ZSCAN25: variants seen among roughly 807,000 people sequenced by gnomAD.
The protein encoded by ZSCAN25 is zinc finger and SCAN domain containing 25, also known as zinc finger and SCAN domain-containing protein 25.
In ZSCAN25, 27 loss-of-function variants were observed where a neutral mutation model predicts 38.7. That is an observed-to-expected ratio of 0.70 (90% CI 0.51 to 0.96). The LOEUF is 0.96. Ranked by LOEUF, ZSCAN25 falls within the 40% of genes least tolerant of loss-of-function variation. ZSCAN25 has a pLI of 0.00. For synonymous variants in ZSCAN25, 273 were observed against 277.7 expected, an observed-to-expected ratio of 0.98 and a Z score of 0.17; for missense variants, 637 against 705.9, an observed-to-expected ratio of 0.90 and a Z score of 1.11.
the ZSCAN25 span, chr7:99,658,972 T>A: frequency 6.6e-6 from 1 of 152,220 alleles, no homozygotes; most frequent in African/African-American, 2.4e-5. Flanking sequence ...TTATTCTAGT[T>A]AGCCATTTGT....
the ZSCAN25 span, chr7:99,671,802 G>C: frequency 8.8e-5 from 62 of 702,856 alleles, 2 homozygotes; most frequent in South Asian, 8.7e-4. Context: ...TCCATGTTGT[G>C]ACTGTAGGAC....
the ZSCAN25 span, among the ~76,000 whole-genome samples, chr7:99,686,178 T>C: frequency 6.6e-6 from 1 of 152,166 alleles, no homozygotes; most frequent in East Asian, 1.9e-4. Flanking sequence ...GGGTGCAGCG[T>C]GCTGTGCACA....
At chr7:99,705,326 A>G in the ZSCAN25 span, 1 of 718,228 alleles carries the variant, frequency 1.4e-6, no homozygotes, top group South Asian at 1.7e-5. Flanking sequence ...CAAGTATAAC[A>G]CTCTATACAG....
At chr7:99,635,422 G>C (rs1196574806), downstream of ZSCAN25, among the ~76,000 whole-genome samples, 4 of 151,788 alleles carry the variant, frequency 2.6e-5, no homozygotes, top group Admixed American at 1.3e-4. Context: ...TTTTCTGCAG[G>C]CTATAATTAC....
At chr7:99,708,875 T>G in the ZSCAN25 span, among the ~76,000 whole-genome samples, 1 of 152,142 alleles carries the variant, frequency 6.6e-6, no homozygotes, top group African/African-American at 2.4e-5. Context: ...AGTCTGTGGT[T>G]TGTAAAGTGT....
the ZSCAN25 span, chr7:99,662,664 C>T: frequency 9.9e-6 from 7 of 706,546 alleles, no homozygotes; most frequent in South Asian, 1.3e-4. The surrounding 1 kb of genome is among the most constrained non-coding windows in gnomAD (Gnocchi z 4.3). Flanking sequence ...CTGGAAAGTG[C>T]CTCCAGCTAC....
the ZSCAN25 span, among the ~76,000 whole-genome samples, chr7:99,723,453 C>T: frequency 6.6e-6 from 1 of 152,154 alleles, no homozygotes; most frequent in Non-Finnish European, 1.5e-5. Context: ...TAAAACTGAC[C>T]CACCCCTATC....
the ZSCAN25 span, chr7:99,638,255 A>T: frequency 6.3e-7 from 1 of 1,582,518 alleles, no homozygotes; most frequent in South Asian, 1.1e-5. Context: ...ATTTGTAGTT[A>T]GAGGTTAACC....
chr7:99,712,914 C>T, the ZSCAN25 span, among the ~76,000 whole-genome samples: 1 of 152,130 alleles, frequency 6.6e-6, no homozygotes, highest in African/African-American at 2.4e-5. Context: ...TTTACACAGT[C>T]TCAGAGGTTT....
chr7:99,714,688 G>GAA, the ZSCAN25 span: 15 of 1,428,860 alleles, frequency 1.0e-5, no homozygotes, highest in Admixed American at 9.5e-5. Context: ...GACTTCTGTA[G>GAA]AAAAAAAAAA....
chr7:99,694,716 A>C, the ZSCAN25 span, among the ~76,000 whole-genome samples: 1 of 151,762 alleles, frequency 6.6e-6, no homozygotes, highest in Non-Finnish European at 1.5e-5. Flanking sequence ...AATTGGAATC[A>C]GGGAAACAAG....
the ZSCAN25 span, among the ~76,000 whole-genome samples, chr7:99,701,856 CAG>C: frequency 1.3e-5 from 2 of 152,280 alleles, no homozygotes; most frequent in South Asian, 4.1e-4. Context: ...AATCTGTTGT[CAG>C]AGTGTTTGAA....
At chr7:99,639,803 C>T in the ZSCAN25 span, among the ~76,000 whole-genome samples, 2 of 152,232 alleles carry the variant, frequency 1.3e-5, no homozygotes, top group Non-Finnish European at 2.9e-5. Flanking sequence ...CAGTAGCTCG[C>T]GTCTGTAATA....
intron 4 of ZSCAN25, chr7:99,621,067 C>T (rs988707483): frequency 4.6e-6 from 1 of 219,284 alleles, no homozygotes; most frequent in African/African-American, 2.3e-5. Context: ...ATTTTTTTTT[C>T]TAGTAGTGAG....
At chr7:99,679,821 C>G in the ZSCAN25 span, 1 of 1,613,690 alleles carries the variant, frequency 6.2e-7, no homozygotes, top group Non-Finnish European at 8.5e-7. Flanking sequence ...TGGACAGTTA[C>G]TCACAGATAG....
intron 7 of ZSCAN25, chr7:99,624,426 C>A: frequency 1.9e-6 from 1 of 521,364 alleles, no homozygotes; most frequent in African/African-American, 1.9e-5. Context: ...TCATGAGGAC[C>A]CCCAAACACC....
the ZSCAN25 span, among the ~76,000 whole-genome samples, chr7:99,735,356 T>C: frequency 1.3e-5 from 2 of 152,170 alleles, no homozygotes; most frequent in East Asian, 3.8e-4. Context: ...CTGACCTCCA[T>C]TGAGTTAATA....
the ZSCAN25 span, among the ~76,000 whole-genome samples, chr7:99,684,710 A>G: frequency 2.0e-5 from 3 of 152,204 alleles, no homozygotes; most frequent in African/African-American, 7.2e-5. Flanking sequence ...TGATTTGCTT[A>G]ATATAAACTT....
rs201270508 is a variant in ZSCAN25 at position 99,629,516 on chromosome 7, T to C, written c.1131T>C (p.Cys377=). 1 of 1,614,118 alleles carries C rather than the reference T, an allele frequency of 6.2e-7. No individual in the cohort carries two copies. Among genetic ancestry groups the C allele is most frequent in the Non-Finnish European group, 8.5e-7 (1 of 1,179,990 alleles). The part of the protein sequence containing the change: ...QRTHEEKSYG[C]VECGKGFTLR... Reference sequence around the variant, plus strand: ...CCCACGAAGAGAAGTCTTATGGCTGTGTGGAGTGTGGGAAGGGCTTTACCC... The same window carrying C: ...CCCACGAAGAGAAGTCTTATGGCTGCGTGGAGTGTGGGAAGGGCTTTACCC... Residue 377 remains cysteine, a synonymous_variant, in exon 8 of 8, where the codon TGT becomes TGC. Transcript: ENST00000394152. This position sits in a 1 kb window ranked among gnomAD's most constrained non-coding sequence, Gnocchi z 5.6.
Sources: gnomAD v4.1 joint callset for allele counts (sites outside exome capture counted in the v4.1 genomes callset) on GRCh38, gnomAD v4.1.1 for gene constraint, Gnocchi (gnomAD v3.1) non-coding constraint, MANE v1.5 for transcripts, NCBI Gene and HGNC (gene_info 2026-07-23, HGNC 2026-07-21) for gene names.